The following NALCN variants were observed in gnomAD, a reference collection of about 807,000 sequenced individuals.
NALCN encodes sodium leak channel, non-selective.
In NALCN, 111 loss-of-function variants were observed where a neutral mutation model predicts 225.3. That is an observed-to-expected ratio of 0.49 (90% CI 0.42 to 0.58). The LOEUF is 0.58. NALCN is among the 20% of genes least tolerant of loss of function. The probability of loss-of-function intolerance (pLI) is 0.00; values close to 1 mark genes in which losing one functional copy is unlikely to be tolerated. For synonymous variants in NALCN, 764 were observed against 769.0 expected, an observed-to-expected ratio of 0.99 and a Z score of 0.11; for missense variants, 1,378 against 2,202.4, an observed-to-expected ratio of 0.63 and a Z score of 7.49.
intron 17 of NALCN, among the ~76,000 whole-genome samples, chr13:101,137,621 A>C (rs772094633): frequency 2.5e-4 from 38 of 152,234 alleles, no homozygotes; most frequent in Non-Finnish European, 4.8e-4. Context: ...TAGCAACTAA[A>C]ATATCAACAA....
At chr13:101,166,005 C>A (rs937961810) in intron 15 of NALCN, among the ~76,000 whole-genome samples, 6 of 152,178 alleles carry the variant, frequency 3.9e-5, no homozygotes, top group African/African-American at 1.2e-4. Context: ...CAGAATTTGT[C>A]TTTTTGTGAC....
In NALCN at chr13:101,104,083, A is replaced by G. The variant is rs1160095218; in HGVS notation, c.2889+212T>C. Reference sequence around the variant, plus strand: ...ATTGTGATTAGTGTATTTGAACAATATAACTATCCATAGATATTTATGATG... The same window carrying G: ...ATTGTGATTAGTGTATTTGAACAATGTAACTATCCATAGATATTTATGATG... On this transcript the variant is annotated intron_variant, in intron 25 of 43. Transcript: ENST00000251127. The surrounding 1 kb of genome is among the most constrained non-coding windows in gnomAD (Gnocchi z 4.2). 2.0e-5 allele frequency among the ~76,000 whole-genome samples: 3 copies of G among 152,186 alleles called. No individual in the cohort carries two copies. Among genetic ancestry groups the G allele is most frequent in the African/African-American group, 7.2e-5 (3 of 41,438 alleles).
At chr13:101,072,712 T>C (rs2032980452) in intron 37 of NALCN, among the ~76,000 whole-genome samples, 1 of 152,176 alleles carries the variant, frequency 6.6e-6, no homozygotes, top group Non-Finnish European at 1.5e-5. Context: ...CTCTTCTTCC[T>C]ACTGACAGTT....
chr13:101,079,358 A>T (rs559167177), intron 34 of NALCN, among the ~76,000 whole-genome samples: 169 of 152,328 alleles, frequency 1.1e-3, no homozygotes, highest in African/African-American at 3.9e-3. Flanking sequence ...CAAGGTCCTA[A>T]GAGGTCTGAT....
intron 1 of NALCN, among the ~76,000 whole-genome samples, chr13:101,404,108 G>A (rs1280852744): frequency 6.6e-6 from 1 of 152,204 alleles, no homozygotes; most frequent in African/African-American, 2.4e-5. Context: ...TTTAAAGGCA[G>A]AGTAGCTGAT....
At chr13:101,126,283 G>A (rs940629686) in intron 17 of NALCN, among the ~76,000 whole-genome samples, 16 of 152,096 alleles carry the variant, frequency 1.1e-4, no homozygotes, top group Non-Finnish European at 1.6e-4. Context: ...AAGGTGGTTT[G>A]TTCATTTTTC....
rs572838134 is a variant in NALCN, at chr13:101,220,815, A to G, written c.1626+8578T>C. On this transcript the variant is annotated intron_variant, in intron 13 of 43. Coordinates refer to ENST00000251127, the MANE Select transcript of NALCN (RefSeq NM_052867.4). ...CAGCCTTGCCATTTATACAGATAATATTATCAATTTCAAATATATTACATA... is the reference window on the plus strand; with the variant it reads ...CAGCCTTGCCATTTATACAGATAATGTTATCAATTTCAAATATATTACATA... Among the ~76,000 whole-genome samples the G allele has an allele frequency of 2.0e-5, 3 of 152,312 alleles. No individual in the cohort carries two copies. In the South Asian group the frequency reaches 6.2e-4, roughly 32 times the overall value.
rs1001345724 is a variant in NALCN at position 101,280,829 on chromosome 13, A to G, written c.1134+3104T>C. On this transcript the variant is annotated intron_variant, in intron 10 of 43. Coordinates refer to ENST00000251127, the MANE Select transcript of NALCN (RefSeq NM_052867.4). ...AGGCATGTAGGTCTTTCTACATCAC[A>G]GGGTTGTAGTAAACCTCATCCTTAG... 2.0e-5 allele frequency among the ~76,000 whole-genome samples: 3 copies of G among 151,396 alleles called. No individual in the cohort carries two copies. The East Asian group carries it at 5.8e-4, about 29-fold the overall frequency.
chr13:101,123,040 T>C (rs1351150276), intron 18 of NALCN, among the ~76,000 whole-genome samples: 1 of 152,094 alleles, frequency 6.6e-6, no homozygotes, highest in Non-Finnish European at 1.5e-5. Flanking sequence ...TTTTGTAAAC[T>C]GAGAGAGGGG....
At chr13:101,302,468 G>A (rs1214238084) in intron 7 of NALCN, among the ~76,000 whole-genome samples, 1 of 152,046 alleles carries the variant, frequency 6.6e-6, no homozygotes, top group East Asian at 1.9e-4. Context: ...ACGTGGGAGG[G>A]AAGAAACATA....
Position 101,054,284 on chromosome 13 carries a change from A to C in NALCN, c.*1011T>G, listed in dbSNP as rs1178925654. 6.6e-6 allele frequency: 1 copy of C among 152,230 alleles called. No homozygotes were observed. The highest frequency in any genetic ancestry group is 1.5e-5 in the Non-Finnish European group (1 of 68,046). 9.4% of individuals were successfully genotyped at this position (152,230 alleles called of 1,614,324 possible). On this transcript the variant is annotated 3_prime_UTR_variant, in exon 44 of 44. Coordinates refer to ENST00000251127, the MANE Select transcript of NALCN (RefSeq NM_052867.4). ...CCCTAACCTGTGAGTTCAAAGGAAG[A>C]TTTTGCAGGGCACCATTATTTCCAT...
intron 9 of NALCN, among the ~76,000 whole-genome samples, chr13:101,286,589 G>T (rs1010666129): frequency 1.3e-5 from 2 of 152,114 alleles, no homozygotes; most frequent in African/African-American, 2.4e-5. Flanking sequence ...GAGAGAGAAT[G>T]GGATTCCTCA....
intron 9 of NALCN, among the ~76,000 whole-genome samples, chr13:101,284,782 T>G (rs2043282527): frequency 6.6e-6 from 1 of 152,160 alleles, no homozygotes; most frequent in Non-Finnish European, 1.5e-5. Context: ...GATACCTAGG[T>G]TATTATCTCC....
intron 2 of NALCN, among the ~76,000 whole-genome samples, chr13:101,397,088 A>G (rs867220790): frequency 3.3e-5 from 2 of 61,318 alleles, no homozygotes; most frequent in African/African-American, 2.7e-4. Context: ...ATATATATAT[A>G]TATATATATA....
At chr13:101,059,757 T>A (rs748825446) in intron 42 of NALCN, 61 bp downstream of exon 42, 60 of 1,512,586 alleles carry the variant, frequency 4.0e-5, no homozygotes, top group Middle Eastern at 2.1e-4. Flanking sequence ...TTTTATTTAT[T>A]TTTATTAAAA....
chr13:101,228,169 A>AAATTCTT (rs59224223), intron 13 of NALCN, among the ~76,000 whole-genome samples: 25,702 of 152,078 alleles, frequency 0.17, 2,404 homozygotes, highest in East Asian at 0.36. Context: ...CCTTGGCGGC[A>AAATTCTT]CATGAATGAA....
intron 14 of NALCN, among the ~76,000 whole-genome samples, chr13:101,186,344 T>A (rs1360837582): frequency 1.3e-5 from 2 of 152,184 alleles, no homozygotes; most frequent in Non-Finnish European, 2.9e-5. Flanking sequence ...TAAGAGGACA[T>A]GAATTAAGCT....
At position 101,283,887 on chromosome 13, in the gene NALCN, C is replaced by A. The variant is rs771953888; in HGVS notation, c.1134+46G>T. 5 of 1,491,564 alleles carry A rather than the reference C, an allele frequency of 3.4e-6. No individual in the cohort carries two copies. The South Asian group carries it at 5.1e-5, about 15-fold the overall frequency. The allele number at this position is 1,491,564 out of a possible 1,614,324, so 92.4% of individuals were successfully genotyped here. A position where few individuals can be genotyped will look rare whatever the true frequency, so the allele number is the denominator to read the frequency against. The stretch of plus-strand genomic sequence containing the variant: ...GGATTTTCTTGGATGAAATAAAATT[C>A]AAAGACCTTTGCTGGGCGATTTTTA... On this transcript the variant is annotated intron_variant, in intron 10 of 43. Transcript: ENST00000251127.
intron 18 of NALCN, chr13:101,116,840 C>T (rs956412925): frequency 4.7e-6 from 2 of 428,376 alleles, no homozygotes; most frequent in Non-Finnish European, 9.3e-6. Flanking sequence ...GGAAAATAGT[C>T]TTTCAGTGGT....
Sources: gnomAD v4.1 joint callset for allele counts (sites outside exome capture counted in the v4.1 genomes callset) on GRCh38, gnomAD v4.1.1 for gene constraint, Gnocchi (gnomAD v3.1) non-coding constraint, MANE v1.5 for transcripts, NCBI Gene and HGNC (gene_info 2026-07-23, HGNC 2026-07-21) for gene names.